Variants in ARRB1 observed in about 807,000 individuals in gnomAD.
ARRB1 encodes arrestin beta 1.
In ARRB1, 21 loss-of-function variants were observed where a neutral mutation model predicts 56.8. That is an observed-to-expected ratio of 0.37 (90% CI 0.26 to 0.53). The LOEUF is 0.53. Among genes scored for constraint, ARRB1 ranks in the 20% least tolerant of loss-of-function variants. ARRB1 has a pLI of 0.88. For missense variants in ARRB1, 424 were observed against 553.7 expected, an observed-to-expected ratio of 0.77 and a Z score of 2.35; for synonymous variants, 210 against 218.6, an observed-to-expected ratio of 0.96 and a Z score of 0.35.
At chr11:75,274,376 G>A (rs1189378938) in intron 10 of ARRB1, 165 bp from the exon 11 acceptor site, 6 of 779,686 alleles carry the variant, frequency 7.7e-6, no homozygotes, top group South Asian at 1.8e-5. Flanking sequence ...GCTCGGGCAA[G>A]GAGACCACTG....
At chr11:75,285,978 G>A (rs1469339648) in intron 3 of ARRB1, among the ~76,000 whole-genome samples, 2 of 152,210 alleles carry the variant, frequency 1.3e-5, no homozygotes, top group African/African-American at 4.8e-5. Context: ...CAATGGCAAA[G>A]GGACACTGAG....
At position 75,287,356 on chromosome 11, in the gene ARRB1, T is replaced by A; in HGVS notation, c.71A>T (p.Lys24Met). 1 of 1,561,226 alleles carries A rather than the reference T, an allele frequency of 6.4e-7. No individual in the cohort carries two copies. Among genetic ancestry groups the A allele is most frequent in the Non-Finnish European group, 8.7e-7 (1 of 1,152,144 alleles). Reference protein sequence around the residue: ...PNGKLTVYLGKRDFVDHIDLV... With the variant: ...PNGKLTVYLGMRDFVDHIDLV... ...GTCGATGTGGTCCACAAAGTCCCGC[T>A]TTCCCAGGTAGACGGTGAGCTGAGG... Residue 24 changes from lysine to methionine, a missense_variant, in exon 3 of 16, where the codon AAG (lysine) becomes ATG (methionine). Transcript: ENST00000420843.
intron 1 of ARRB1, among the ~76,000 whole-genome samples, chr11:75,291,219 C>G (rs558260249): frequency 1.7e-4 from 26 of 152,238 alleles, no homozygotes; most frequent in African/African-American, 6.3e-4. Flanking sequence ...TGCTTGTAAT[C>G]CCAGCTACTT....
In ARRB1 at chr11:75,283,603, G is replaced by T. The variant is rs1035740688; in HGVS notation, c.158-120C>A. On this transcript the variant is annotated intron_variant, in intron 4 of 15. Coordinates refer to ENST00000420843, the MANE Select transcript of ARRB1 (RefSeq NM_004041.5). ...AGGCCCCAAGCCTGTCCCAAGCTCT[G>T]TGGGGATGGCTGCACTGTCTCCACC... 3 of 980,786 alleles carry T rather than the reference G, an allele frequency of 3.1e-6. No homozygotes were observed. The South Asian group carries it at 5.2e-5, about 17-fold the overall frequency. 60.8% of individuals were successfully genotyped at this position (980,786 alleles called of 1,614,324 possible). A position where few individuals can be genotyped will look rare whatever the true frequency, so the allele number is the denominator to read the frequency against.
At chr11:75,313,080 T>C (rs1022766237) in intron 1 of ARRB1, among the ~76,000 whole-genome samples, 6 of 152,014 alleles carry the variant, frequency 3.9e-5, no homozygotes, top group African/African-American at 1.5e-4. Flanking sequence ...AGGCCAGGTG[T>C]GGTGGCTCAC....
rs1945787281 is a variant in ARRB1, at chr11:75,261,359, G to T, written c.*4804C>A. On this transcript the variant is annotated 3_prime_UTR_variant, in exon 16 of 16. Coordinates refer to ENST00000420843, the MANE Select transcript of ARRB1 (RefSeq NM_004041.5). Reference sequence around the variant, plus strand: ...TCTAAGATCAAACCTCGAGATGGTGGTTTGAAGTTCTTCTTCAAAGAAAGC... The same window carrying T: ...TCTAAGATCAAACCTCGAGATGGTGTTTTGAAGTTCTTCTTCAAAGAAAGC... The T allele has an allele frequency of 6.6e-6, 1 of 152,058 alleles. No individual in the cohort carries two copies. Among genetic ancestry groups the T allele is most frequent in the Non-Finnish European group, 1.5e-5 (1 of 68,036 alleles). 9.4% of individuals were successfully genotyped at this position (152,058 alleles called of 1,614,324 possible). A position where few individuals can be genotyped will look rare whatever the true frequency, so the allele number is the denominator to read the frequency against.
At chr11:75,315,931 T>C (rs1292721260) in intron 1 of ARRB1, among the ~76,000 whole-genome samples, 2 of 152,158 alleles carry the variant, frequency 1.3e-5, no homozygotes, top group Non-Finnish European at 2.9e-5. Flanking sequence ...CTCTATGATA[T>C]AGCTGGGTGG....
At chr11:75,323,194 G>A (rs67362416) in intron 1 of ARRB1, among the ~76,000 whole-genome samples, 35,054 of 152,082 alleles carry the variant, frequency 0.23, 4,117 homozygotes, top group Admixed American at 0.32. Flanking sequence ...ACTGCCCAGC[G>A]GAGCTCTTCC....
At chr11:75,280,432 G>C (rs1345691861) in intron 7 of ARRB1, among the ~76,000 whole-genome samples, 2 of 152,192 alleles carry the variant, frequency 1.3e-5, no homozygotes, top group African/African-American at 4.8e-5. Flanking sequence ...CATCAGCGTC[G>C]AGGGCCCACC....
chr11:75,308,760 G>A (rs538932903), intron 1 of ARRB1, among the ~76,000 whole-genome samples: 1 of 151,488 alleles, frequency 6.6e-6, no homozygotes, highest in African/African-American at 2.4e-5. Flanking sequence ...AAAAAAAATA[G>A]CCCTACAGTA....
intron 1 of ARRB1, among the ~76,000 whole-genome samples, chr11:75,336,703 T>C (rs1389790826): frequency 6.6e-6 from 1 of 152,172 alleles, no homozygotes; most frequent in Admixed American, 6.5e-5. Flanking sequence ...GACACATTTA[T>C]CTACCAAACA....
At chr11:75,326,809 A>C (rs1947443251) in intron 1 of ARRB1, among the ~76,000 whole-genome samples, 1 of 146,242 alleles carries the variant, frequency 6.8e-6, no homozygotes, top group Non-Finnish European at 1.5e-5. Context: ...CTACAGCTTC[A>C]ACCTCCTACC....
At chr11:75,334,541 G>A (rs1947573031) in intron 1 of ARRB1, among the ~76,000 whole-genome samples, 1 of 152,156 alleles carries the variant, frequency 6.6e-6, no homozygotes. Flanking sequence ...TCTCCATCCA[G>A]CTTTCATCAG....
chr11:75,341,417 C>T (rs530650645), intron 1 of ARRB1, among the ~76,000 whole-genome samples: 1 of 152,164 alleles, frequency 6.6e-6, no homozygotes, highest in East Asian at 1.9e-4. Context: ...GGATTACAGG[C>T]GTCAGCCACC....
intron 12 of ARRB1, among the ~76,000 whole-genome samples, chr11:75,272,363 T>C (rs376184760): frequency 6.6e-6 from 1 of 152,224 alleles, no homozygotes; most frequent in South Asian, 2.1e-4. Context: ...CACTATGACC[T>C]GAGTTAGGAG....
intron 1 of ARRB1, among the ~76,000 whole-genome samples, chr11:75,315,880 T>C (rs2140489003): frequency 6.6e-6 from 1 of 152,310 alleles, no homozygotes; most frequent in South Asian, 2.1e-4. Flanking sequence ...GAGAGAGACC[T>C]CAAGACCAAA....
intron 1 of ARRB1, chr11:75,306,594 G>C (rs971775068): frequency 8.5e-6 from 11 of 1,289,428 alleles, no homozygotes; most frequent in African/African-American, 1.5e-5. Flanking sequence ...GTGGAGTGAA[G>C]AGGCCAGCCC....
chr11:75,287,899 G>C (rs889835039), intron 2 of ARRB1, among the ~76,000 whole-genome samples: 1 of 152,126 alleles, frequency 6.6e-6, no homozygotes, highest in Non-Finnish European at 1.5e-5. Context: ...TTTTGCTCTT[G>C]TTGCCCGGCC....
intron 1 of ARRB1, among the ~76,000 whole-genome samples, chr11:75,299,210 G>A (rs1946834782): frequency 6.7e-6 from 1 of 149,054 alleles, no homozygotes; most frequent in Non-Finnish European, 1.5e-5. Context: ...CTAAAAGTGT[G>A]AATATTATGG....
Sources: gnomAD v4.1 joint callset for allele counts (sites outside exome capture counted in the v4.1 genomes callset) on GRCh38, gnomAD v4.1.1 for gene constraint, MANE v1.5 for transcripts, NCBI Gene and HGNC (gene_info 2026-07-23, HGNC 2026-07-21) for gene names.